PDGFC: variants seen among roughly 807,000 people sequenced by gnomAD.
PDGFC encodes platelet derived growth factor C.
A neutral mutation model predicts 35.5 loss-of-function variants in PDGFC; 12 were observed. The observed-to-expected ratio is 0.34, with a 90% CI of 0.22 to 0.55. PDGFC has a LOEUF of 0.55. Ranked by LOEUF, PDGFC falls within the 20% of genes least tolerant of loss-of-function variation. The pLI is 0.91. For synonymous variants in PDGFC, 159 were observed against 148.8 expected, an observed-to-expected ratio of 1.07 and a Z score of -0.50; for missense variants, 322 against 412.4, an observed-to-expected ratio of 0.78 and a Z score of 1.90.
At chr4:156,852,339 T>G (rs1174314439) in intron 1 of PDGFC, among the ~76,000 whole-genome samples, 1 of 152,218 alleles carries the variant, frequency 6.6e-6, no homozygotes, top group Non-Finnish European at 1.5e-5. Context: ...CAGAGTTTAC[T>G]AAGTCCTATG....
chr4:156,938,292 G>A (rs564305075), intron 1 of PDGFC, among the ~76,000 whole-genome samples: 5 of 152,058 alleles, frequency 3.3e-5, no homozygotes, highest in South Asian at 4.2e-4. Context: ...GATCCTAAGC[G>A]CTAAATAAAA....
At chr4:156,954,107 G>A (rs530147253) in intron 1 of PDGFC, among the ~76,000 whole-genome samples, 9 of 151,904 alleles carry the variant, frequency 5.9e-5, no homozygotes, top group Admixed American at 2.0e-4. Flanking sequence ...CCATACTTAC[G>A]TAAATAGCAG....
At chr4:156,814,105 T>A (rs1315787652) in intron 2 of PDGFC, among the ~76,000 whole-genome samples, 1 of 147,016 alleles carries the variant, frequency 6.8e-6, no homozygotes, top group Non-Finnish European at 1.5e-5. Context: ...TTTTTAAAAA[T>A]CTCTATCTAC....
chr4:156,832,422 A>G (rs975105207), intron 2 of PDGFC, among the ~76,000 whole-genome samples: 2 of 151,868 alleles, frequency 1.3e-5, no homozygotes, highest in African/African-American at 4.8e-5. Context: ...ATGCCTGGCT[A>G]ATTTTTGTAT....
At chr4:156,821,834 C>T (rs1732270164) in intron 2 of PDGFC, among the ~76,000 whole-genome samples, 1 of 152,054 alleles carries the variant, frequency 6.6e-6, no homozygotes, top group African/African-American at 2.4e-5. Context: ...TAGGCTTGAG[C>T]CACCGTGCCT....
intron 3 of PDGFC, among the ~76,000 whole-genome samples, chr4:156,783,356 T>C (rs1358385556): frequency 6.6e-6 from 1 of 152,098 alleles, no homozygotes; most frequent in Non-Finnish European, 1.5e-5. Flanking sequence ...ACAAGTTTAA[T>C]TTTTCTGGCT....
chr4:156,789,706 G>A (rs912913093), intron 3 of PDGFC, among the ~76,000 whole-genome samples: 3 of 152,212 alleles, frequency 2.0e-5, no homozygotes, highest in African/African-American at 7.2e-5. Context: ...GCCGGGTGCA[G>A]TGGCTCACAC....
chr4:156,768,218 G>A (rs1730593081), intron 4 of PDGFC, among the ~76,000 whole-genome samples: 1 of 151,660 alleles, frequency 6.6e-6, no homozygotes, highest in African/African-American at 2.4e-5. Context: ...GTAAAGAGAT[G>A]CCATTGTGTA....
Position 156,954,532 on chromosome 4 carries a change from C to T in PDGFC, c.118+16254G>A, listed in dbSNP as rs115840825. 5.6e-3 allele frequency among the ~76,000 whole-genome samples: 855 copies of T among 152,014 alleles called. 6 individuals are homozygous for T. Among genetic ancestry groups the T allele is most frequent in the African/African-American group, 0.016 (671 of 41,504 alleles). ...ATACGTCAAAGTTACTGAAAATGAA[C>T]TTGCGATGGTCATGCTCTTCTCTAT... On this transcript the variant is annotated intron_variant, in intron 1 of 5. Transcript: ENST00000502773.
At chr4:156,844,955 T>C (rs1372096612) in intron 2 of PDGFC, among the ~76,000 whole-genome samples, 6 of 151,916 alleles carry the variant, frequency 3.9e-5, no homozygotes, top group African/African-American at 1.4e-4. Context: ...GGAACATAAA[T>C]ACACTACTGC....
chr4:156,776,883 T>C (rs912797694), intron 3 of PDGFC, among the ~76,000 whole-genome samples: 1 of 152,176 alleles, frequency 6.6e-6, no homozygotes, highest in Non-Finnish European at 1.5e-5. Flanking sequence ...ATGGTAGCTA[T>C]ATTCAATGAC....
At chr4:156,967,814 AC>A (rs898979259) in intron 1 of PDGFC, 3 of 152,162 alleles carry the variant, frequency 2.0e-5, no homozygotes, top group African/African-American at 7.2e-5. Context: ...CAGGCCAGAC[AC>A]CCTCCAAGCA....
At chr4:156,813,144 G>T (rs564774031) in intron 2 of PDGFC, among the ~76,000 whole-genome samples, 1 of 152,138 alleles carries the variant, frequency 6.6e-6, no homozygotes, top group South Asian at 2.1e-4. Context: ...TGGCAGAAAC[G>T]TTGATAATCA....
At chr4:156,797,998 C>T (rs887977209) in intron 3 of PDGFC, among the ~76,000 whole-genome samples, 8 of 151,940 alleles carry the variant, frequency 5.3e-5, no homozygotes, top group Admixed American at 1.3e-4. Flanking sequence ...GAGACCAGCC[C>T]GGCCAACATG....
At chr4:156,907,413 T>C (rs1274502868) in intron 1 of PDGFC, among the ~76,000 whole-genome samples, 1 of 150,684 alleles carries the variant, frequency 6.6e-6, no homozygotes, top group Non-Finnish European at 1.5e-5. Context: ...AGAGTTTACT[T>C]TAGCAATCTA....
rs1000487204 is a variant in PDGFC, at chr4:156,863,086, T to A, written c.119-12670A>T. Among the ~76,000 whole-genome samples, 5 of 152,184 alleles carry A rather than the reference T, an allele frequency of 3.3e-5. No homozygotes were observed. In the South Asian group the frequency reaches 1.0e-3, roughly 31 times the overall value. On this transcript the variant is annotated intron_variant, in intron 1 of 5. Coordinates refer to ENST00000502773, the MANE Select transcript of PDGFC (RefSeq NM_016205.3). ...ACCAGCTAAAACAACAAATAAAAACTAATTGTATCATGCACACTTAATTAT... is the reference window on the plus strand; with the variant it reads ...ACCAGCTAAAACAACAAATAAAAACAAATTGTATCATGCACACTTAATTAT...
intron 3 of PDGFC, among the ~76,000 whole-genome samples, chr4:156,810,145 T>G (rs1451854521): frequency 6.6e-6 from 1 of 150,540 alleles, no homozygotes; most frequent in Non-Finnish European, 1.5e-5. Context: ...AATGTACATC[T>G]TTGTCTATCA....
At chr4:156,798,220 A>AAAC (rs771156722) in intron 3 of PDGFC, among the ~76,000 whole-genome samples, 4 of 152,072 alleles carry the variant, frequency 2.6e-5, no homozygotes, top group Non-Finnish European at 5.9e-5. Context: ...AACAAAAACA[A>AAAC]AACAACAACA....
At position 156,819,574 on chromosome 4, in the gene PDGFC, A is replaced by G. The variant is rs561939912; in HGVS notation, c.315-8557T>C. 8.9e-4 allele frequency among the ~76,000 whole-genome samples: 135 copies of G among 152,256 alleles called. 1 individual carries two copies. Among genetic ancestry groups the G allele is most frequent in the Non-Finnish European group, 2.4e-4 (16 of 67,996 alleles). On this transcript the variant is annotated intron_variant, in intron 2 of 5. Transcript: ENST00000502773. Reference sequence around the variant, plus strand: ...ATATTTTAAACGTACTACTGCTCAGAAAAAAAGATTCTTTCAAAATATTAC... The same window carrying G: ...ATATTTTAAACGTACTACTGCTCAGGAAAAAAGATTCTTTCAAAATATTAC...
Sources: gnomAD v4.1 joint callset for allele counts (sites outside exome capture counted in the v4.1 genomes callset) on GRCh38, gnomAD v4.1.1 for gene constraint, MANE v1.5 for transcripts, NCBI Gene and HGNC (gene_info 2026-07-23, HGNC 2026-07-21) for gene names.